The following VPS13B variants were observed in gnomAD, a reference collection of about 807,000 sequenced individuals.
The protein encoded by VPS13B is intermembrane lipid transfer protein VPS13B.
A neutral mutation model predicts 426.4 loss-of-function variants in VPS13B; 285 were observed. The observed-to-expected ratio is 0.67, with a 90% confidence interval of 0.61 to 0.74. VPS13B has a LOEUF of 0.74. Among genes scored for constraint, VPS13B ranks in the 30% least tolerant of loss-of-function variants. The pLI is 0.00. For missense variants in VPS13B, 4,537 were observed against 4,782.6 expected (o/e 0.95, Z 1.51); for synonymous variants, 1,676 against 1,676.4 (o/e 1.00, Z 0.01).
At chr8:99,066,193 A>G (rs1844497641) in intron 3 of VPS13B, among the ~76,000 whole-genome samples, 1 of 152,278 alleles carries the variant, frequency 6.6e-6, no homozygotes, top group Admixed American at 6.5e-5. Context: ...TGCATAGGCA[A>G]TACAATCCTA....
rs1234827991 is a variant in VPS13B, at chr8:99,511,468, G to A, written c.4589G>A (p.Arg1530Lys). The A allele has an allele frequency of 1.2e-6, 2 of 1,612,648 alleles. No individual in the cohort carries two copies. The change falls in exon 29 of 62, where the codon AGA (arginine) becomes AAA (lysine). Residue 1530 changes from arginine (R) to lysine (K), a missense_variant. Transcript: ENST00000357162. ...ATTTATGTCAACACAAGTGTAATCAGAATTTTTATTCCAAAAACAGAAGAA... is the reference window on the plus strand; with the variant it reads ...ATTTATGTCAACACAAGTGTAATCAAAATTTTTATTCCAAAAACAGAAGAA... ...PLIYVNTSVI[R>K]IFIPKTEEMQ...
At chr8:99,803,954 A>G (rs1349087526) in intron 43 of VPS13B, among the ~76,000 whole-genome samples, 1 of 152,184 alleles carries the variant, frequency 6.6e-6, no homozygotes, top group African/African-American at 2.4e-5. Flanking sequence ...TCAGTACTGC[A>G]GTATCTGAAT....
intron 19 of VPS13B, among the ~76,000 whole-genome samples, chr8:99,342,579 T>C (rs1811312798): frequency 1.3e-5 from 2 of 152,202 alleles, no homozygotes; most frequent in Admixed American, 1.3e-4. Flanking sequence ...AATTTTTATT[T>C]ACTTTTTAAG....
chr8:99,323,181 A>C (rs989535154), intron 19 of VPS13B, among the ~76,000 whole-genome samples: 1 of 152,198 alleles, frequency 6.6e-6, no homozygotes, highest in Non-Finnish European at 1.5e-5. Flanking sequence ...ATACACAACA[A>C]ACTTTCACTT....
At chr8:99,088,543 T>G (rs1181640151) in intron 3 of VPS13B, among the ~76,000 whole-genome samples, 1 of 152,220 alleles carries the variant, frequency 6.6e-6, no homozygotes, top group Non-Finnish European at 1.5e-5. Context: ...GTTTTAGACG[T>G]GTTCAATTTG....
intron 19 of VPS13B, among the ~76,000 whole-genome samples, chr8:99,375,510 A>G (rs1364965045): frequency 7.9e-5 from 12 of 152,248 alleles, no homozygotes; most frequent in Admixed American, 7.9e-4. Flanking sequence ...CCATACATAC[A>G]TAAGCTACAA....
At chr8:99,078,281 C>T (rs906819037) in intron 3 of VPS13B, among the ~76,000 whole-genome samples, 1 of 148,148 alleles carries the variant, frequency 6.8e-6, no homozygotes, top group African/African-American at 2.5e-5. Context: ...GTACCGTTCA[C>T]TTCTTCTAGT....
Position 99,391,655 on chromosome 8 carries a change from T to A in VPS13B, c.3033T>A (p.Tyr1011Ter), listed in dbSNP as rs1285751891. 6.2e-7 allele frequency: 1 copy of A among 1,614,132 alleles called. No homozygotes were observed. The highest frequency in any genetic ancestry group is 8.5e-7 in the Non-Finnish European group (1 of 1,180,036). The change falls in exon 21 of 62, where the codon TAT becomes TAA. Residue 1011 changes from tyrosine (Y) to a stop codon, truncating the protein, a stop_gained. Coordinates refer to ENST00000357162, the MANE Select transcript of VPS13B (RefSeq NM_152564.5). LOFTEE classifies it high-confidence loss of function. ...CCCCCTTGGCAAAGCAGCAATCATA[T>A]CAGGCCTCTGAATATGCCAGCAGCC... ...GSAPLAKQQS[Y>*]QASEYASSPV...
At chr8:99,631,707 G>C (rs1828854084) in intron 33 of VPS13B, among the ~76,000 whole-genome samples, 1 of 151,828 alleles carries the variant, frequency 6.6e-6, no homozygotes, top group Non-Finnish European at 1.5e-5. Context: ...CAAATATGGT[G>C]TGTGTGTGGG....
At chr8:99,793,375 G>A (rs1333747282) in intron 43 of VPS13B, among the ~76,000 whole-genome samples, 2 of 150,762 alleles carry the variant, frequency 1.3e-5, no homozygotes, top group African/African-American at 4.9e-5. Flanking sequence ...AGAAAATTTT[G>A]AAAGCAGCCA....
rs528616050 is a variant in VPS13B, at chr8:99,305,681, A to G, written c.2824+30427A>G. ...TAGGCATATGGTTGGTGTTGAGTAA[A>G]AGTGTTTTGAATTAGTAAAAGATTT... On this transcript the variant is annotated intron_variant, in intron 19 of 61. Coordinates refer to ENST00000357162, the MANE Select transcript of VPS13B (RefSeq NM_152564.5). 1.5e-4 allele frequency among the ~76,000 whole-genome samples: 23 copies of G among 152,176 alleles called. 1 individual carries two copies. The Middle Eastern group carries it at 0.024, about 158-fold the overall frequency.
chr8:99,156,428 A>C (rs1047424476), intron 14 of VPS13B, 121 bp from the exon 15 acceptor site: 12 of 878,482 alleles, frequency 1.4e-5, no homozygotes, highest in Non-Finnish European at 2.0e-5. Context: ...GTAGAAAGGC[A>C]TCATTTCTAG....
chr8:99,421,566 G>C (rs568673587), intron 21 of VPS13B, among the ~76,000 whole-genome samples: 46 of 152,216 alleles, frequency 3.0e-4, no homozygotes, highest in African/African-American at 1.1e-3. Flanking sequence ...CTTACTAGCT[G>C]GGTGACTTGG....
intron 19 of VPS13B, among the ~76,000 whole-genome samples, chr8:99,376,493 C>A (rs1195434160): frequency 2.6e-5 from 4 of 152,068 alleles, no homozygotes; most frequent in Admixed American, 6.5e-5. Flanking sequence ...ATATAACTTA[C>A]ATAGGTTGGT....
chr8:99,838,205 A>G (rs1815495180), intron 54 of VPS13B, among the ~76,000 whole-genome samples: 2 of 152,206 alleles, frequency 1.3e-5, no homozygotes, highest in South Asian at 2.1e-4. Flanking sequence ...TGGTTATTCA[A>G]CCAGAGACCT....
chr8:99,821,208 A>C, intron 49 of VPS13B, 86 bp from the exon 50 acceptor site: 1 of 1,381,158 alleles, frequency 7.2e-7, no homozygotes, highest in Non-Finnish European at 1.0e-6. Context: ...CCTATTATAT[A>C]ATATTAAAAA....
intron 43 of VPS13B, among the ~76,000 whole-genome samples, chr8:99,799,803 T>C (rs2130756450): frequency 6.6e-6 from 1 of 152,334 alleles, no homozygotes; most frequent in South Asian, 2.1e-4. Flanking sequence ...AGAAAGTTTT[T>C]ATTCAAACTT....
rs77177693 is a variant in VPS13B, at chr8:99,567,181, A to G, written c.4950-8477A>G. The stretch of plus-strand genomic sequence containing the variant: ...TCTCTTCTCTGAGAAACATTCAGCA[A>G]TACCCCTAGTCGCTCCCTCTTCCAT... On this transcript the variant is annotated intron_variant, in intron 31 of 61. Coordinates refer to ENST00000357162, the MANE Select transcript of VPS13B (RefSeq NM_152564.5). 5.5e-3 allele frequency among the ~76,000 whole-genome samples: 843 copies of G among 152,308 alleles called. 8 individuals are homozygous for G. Among genetic ancestry groups the G allele is most frequent in the African/African-American group, 0.019 (807 of 41,578 alleles).
chr8:99,136,841 C>T (rs1436738946), intron 12 of VPS13B, 89 bp downstream of exon 12: 16 of 1,222,406 alleles, frequency 1.3e-5, no homozygotes, highest in Non-Finnish European at 1.9e-5. Flanking sequence ...ACTGGTTGTA[C>T]TCTGCTACAT....
Sources: allele counts gnomAD v4.1 joint callset (sites outside exome capture counted in the v4.1 genomes callset), GRCh38; gene constraint gnomAD v4.1.1; transcripts MANE v1.5; gene names NCBI Gene and HGNC (gene_info 2026-07-23, HGNC 2026-07-21).